The following ZNF808 variants were observed in gnomAD, a reference collection of about 807,000 sequenced individuals.
The protein encoded by ZNF808 is zinc finger protein 808.
In ZNF808, 5 loss-of-function variants were observed where a neutral mutation model predicts 8.7. The observed-to-expected ratio is 0.58, with a 90% confidence interval of 0.30 to 1.21. ZNF808 has a LOEUF of 1.21. ZNF808 is among the 50% of genes most tolerant of loss of function. The probability of loss-of-function intolerance (pLI) is 0.07; values close to 1 mark genes in which losing one functional copy is unlikely to be tolerated. For missense variants in ZNF808, 1,103 were observed against 1,098.4 expected, an observed-to-expected ratio of 1.00 and a Z score of -0.06; for synonymous variants, 380 against 366.0, an observed-to-expected ratio of 1.04 and a Z score of -0.44.
rs1173557327 is a variant in ZNF808 at position 52,554,323 on chromosome 19, G to A, written c.1407G>A (p.Gln469=). 1.2e-6 allele frequency: 2 copies of A among 1,613,856 alleles called. No individual in the cohort carries two copies. The highest frequency in any genetic ancestry group is 1.3e-5 in the African/African-American group (1 of 74,854). The change falls in exon 5 of 5, where the codon CAG becomes CAA. Residue 469 remains glutamine, a synonymous_variant. Transcript: ENST00000359798. ...VCDTAFTCNS[Q]LARHRRIHTG... is the part of the protein sequence containing the mutation. ...ATACAGCTTTCACGTGTAATTCACA[G>A]CTGGCACGACATAGAAGAATTCACA...
chr19:52,562,639 C>T (rs1600054270), intron 3 of ZNF808, among the ~76,000 whole-genome samples: 1 of 152,180 alleles, frequency 6.6e-6, no homozygotes, highest in Non-Finnish European at 1.5e-5. Context: ...TCCCAGTATA[C>T]AGTCTGTGTT....
chr19:52,541,095 G>C (rs2059665645), intron 2 of ZNF808, among the ~76,000 whole-genome samples: 1 of 151,920 alleles, frequency 6.6e-6, no homozygotes, highest in Non-Finnish European at 1.5e-5. Context: ...GGGACTACAG[G>C]CCCCCGCCAC....
chr19:52,549,489 C>T (rs1485875495), intron 4 of ZNF808, among the ~76,000 whole-genome samples: 5 of 152,190 alleles, frequency 3.3e-5, no homozygotes, highest in African/African-American at 1.2e-4. Context: ...CTCAGGCCAC[C>T]ATACTGCTGC....
chr19:52,557,323 A>G (rs369719249), downstream of ZNF808, among the ~76,000 whole-genome samples: 120 of 148,058 alleles, frequency 8.1e-4, no homozygotes, highest in African/African-American at 2.8e-3. Context: ...CTGGAGTGCA[A>G]TGGTGCGATC....
chr19:52,528,341 G>A (rs1221628774), intron 1 of ZNF808, among the ~76,000 whole-genome samples: 1 of 152,170 alleles, frequency 6.6e-6, no homozygotes, highest in African/African-American at 2.4e-5. Context: ...GGATGCAGGC[G>A]TCTTACTCCA....
In ZNF808 at chr19:52,528,605, T is replaced by G. The variant is rs193125524; in HGVS notation, c.-122+894T>G. On this transcript the variant is annotated intron_variant, in intron 1 of 4. Coordinates refer to ENST00000359798, the MANE Select transcript of ZNF808 (RefSeq NM_001039886.4). ...ATGAAGGACGGCAAGGTAGGGAGAG[T>G]GGCAGCAAAGAGGGAGGCTCATCAG... 7.8e-4 allele frequency among the ~76,000 whole-genome samples: 117 copies of G among 149,676 alleles called. 1 individual carries two copies. Among genetic ancestry groups the G allele is most frequent in the South Asian group, 1.5e-3 (7 of 4,734 alleles).
chr19:52,530,373 A>T (rs374254401), intron 1 of ZNF808, among the ~76,000 whole-genome samples: 1 of 151,914 alleles, frequency 6.6e-6, no homozygotes, highest in African/African-American at 2.4e-5. Flanking sequence ...AGTAGTTTTT[A>T]AAAGGGACAT....
At chr19:52,535,599 G>C (rs1031625615) in intron 2 of ZNF808, among the ~76,000 whole-genome samples, 46 of 152,284 alleles carry the variant, frequency 3.0e-4, no homozygotes, top group African/African-American at 1.1e-3. Flanking sequence ...GGAGGCCCTA[G>C]GGAAGTCTCT....
chr19:52,568,155 T>G (rs1830401927), downstream of ZNF808, among the ~76,000 whole-genome samples: 1 of 152,174 alleles, frequency 6.6e-6, no homozygotes, highest in African/African-American at 2.4e-5. Context: ...GCGGATCGCC[T>G]GACGTCAGGA....
intron 1 of ZNF808, among the ~76,000 whole-genome samples, chr19:52,529,516 T>C (rs1264456073): frequency 6.6e-6 from 1 of 152,190 alleles, no homozygotes; most frequent in South Asian, 2.1e-4. Flanking sequence ...AGATTGAGAA[T>C]TTTAAAATTG....
At chr19:52,552,618 G>T (rs1179397533) in intron 4 of ZNF808, among the ~76,000 whole-genome samples, 2 of 148,674 alleles carry the variant, frequency 1.3e-5, no homozygotes, top group African/African-American at 2.5e-5. Context: ...TGCTATAATT[G>T]TTTGATAATA....
Position 52,535,106 on chromosome 19 carries a change from C to T in ZNF808, c.-20+2097C>T, listed in dbSNP as rs28621792. Among the ~76,000 whole-genome samples the T allele has an allele frequency of 7.9e-3, 1,190 of 150,144 alleles. 14 individuals carry two copies. The highest frequency in any genetic ancestry group is 0.012 in the Non-Finnish European group (835 of 67,596). On this transcript the variant is annotated intron_variant, in intron 2 of 4. Transcript: ENST00000359798. Reference sequence around the variant, plus strand: ...TAGCAGTTTGGGAGGCTGAGGTGGGCGGATCACAAGGTCAGGAGATCAAGA... The same window carrying T: ...TAGCAGTTTGGGAGGCTGAGGTGGGTGGATCACAAGGTCAGGAGATCAAGA...
downstream of ZNF808, among the ~76,000 whole-genome samples, chr19:52,561,196 CTCTCTCTCTCTCTCTCTATATATA>C (rs1362648901): frequency 2.3e-3 from 139 of 60,730 alleles, 3 homozygotes; most frequent in African/African-American, 4.1e-3. Context: ...CTCTCTCTCT[CTCTCTCTCTCTCTCTCTATATATA>C]TATATATATA....
chr19:52,534,593 A>G (rs551130774), intron 2 of ZNF808, among the ~76,000 whole-genome samples: 3 of 152,180 alleles, frequency 2.0e-5, no homozygotes, highest in Admixed American at 1.3e-4. Context: ...AAAGTGAAGT[A>G]AAGAATATTT....
intron 2 of ZNF808, among the ~76,000 whole-genome samples, chr19:52,537,126 C>T (rs376587165): frequency 6.6e-6 from 1 of 151,818 alleles, no homozygotes. Context: ...GCGGAGGTTG[C>T]GGTGAGCCGA....
downstream of ZNF808, among the ~76,000 whole-genome samples, chr19:52,568,703 G>T (rs1159645256): frequency 6.6e-6 from 1 of 152,090 alleles, no homozygotes; most frequent in Non-Finnish European, 1.5e-5. Context: ...AGGTTTCCAG[G>T]TGGCTATTCT....
chr19:52,534,138 C>T (rs769257637), intron 2 of ZNF808, among the ~76,000 whole-genome samples: 4 of 152,026 alleles, frequency 2.6e-5, no homozygotes, highest in African/African-American at 4.8e-5. Flanking sequence ...GCTTGGCTAG[C>T]GTGGTGAAAC....
At chr19:52,567,826 G>A (rs1036264110), downstream of ZNF808, among the ~76,000 whole-genome samples, 3 of 152,038 alleles carry the variant, frequency 2.0e-5, no homozygotes. Flanking sequence ...CGCCCGGCCT[G>A]AAGTAGAATA....
intron 1 of ZNF808, among the ~76,000 whole-genome samples, chr19:52,529,917 T>A (rs1296820054): frequency 4.2e-4 from 62 of 146,342 alleles, no homozygotes; most frequent in Admixed American, 6.2e-4. Flanking sequence ...ATATATTTTT[T>A]TTTTTTGTAG....
Sources: allele counts gnomAD v4.1 joint callset (sites outside exome capture counted in the v4.1 genomes callset), GRCh38; gene constraint gnomAD v4.1.1; transcripts MANE v1.5; gene names NCBI Gene and HGNC (gene_info 2026-07-23, HGNC 2026-07-21).